The following PDZRN4 variants were observed in gnomAD, a reference collection of about 807,000 sequenced individuals.
PDZRN4 encodes the protein PDZ domain containing ring finger 4, also known as PDZ domain-containing RING finger protein 4.
PDZRN4 carries 70 observed loss-of-function variants against 99.0 expected under a neutral mutation model. The observed-to-expected ratio is 0.71, with a 90% CI of 0.58 to 0.86. The LOEUF (loss-of-function observed/expected upper bound fraction) is 0.86, where lower values mean the gene tolerates loss of function less well. Ranked by LOEUF, PDZRN4 falls within the 40% of genes least tolerant of loss-of-function variation. PDZRN4 has a pLI of 0.00. For synonymous variants in PDZRN4, 551 were observed against 501.6 expected, an observed-to-expected ratio of 1.10 and a Z score of -1.32; for missense variants, 1,474 against 1,331.2, an observed-to-expected ratio of 1.11 and a Z score of -1.67.
chr12:41,309,093 A>C lies in PDZRN4; in HGVS notation c.843+114905A>C, dbSNP rs542129632. Among the ~76,000 whole-genome samples, 26 of 152,298 alleles carry C rather than the reference A, an allele frequency of 1.7e-4. No homozygotes were observed. In the East Asian group the frequency reaches 4.2e-3, roughly 25 times the overall value. On this transcript the variant is annotated intron_variant, in intron 3 of 9. Transcript: ENST00000402685. ...CTCCCCTCAAAAACAATACTATAAA[A>C]GTACTAGAAGAAAATATAGGATCTG...
At position 41,188,517 on chromosome 12, in the gene PDZRN4, G is replaced by C; in HGVS notation, c.62G>C (p.Cys21Ser). 6.3e-7 allele frequency: 1 copy of C among 1,586,732 alleles called. No individual in the cohort carries two copies. Among genetic ancestry groups the C allele is most frequent in the Non-Finnish European group, 8.5e-7 (1 of 1,174,564 alleles). Residue 21 changes from cysteine to serine, a missense_variant, in exon 1 of 10, where the codon TGC becomes TCC. Coordinates refer to ENST00000402685, the MANE Select transcript of PDZRN4 (RefSeq NM_001164595.2). ...GACCCGGCTCTGGAGTGCAAACTGT[G>C]CGGCCAGGTGCTTGAAGAGCCCCTG... is the stretch of plus-strand genomic sequence containing the variant. ...AVDPALECKL[C>S]GQVLEEPLCT...
Position 41,188,898 on chromosome 12 carries a change from G to A in PDZRN4, c.443G>A (p.Gly148Glu), listed in dbSNP as rs1198333675. ...RAGRGGGARG[G>E]PPGGRWGRGR... The stretch of plus-strand genomic sequence containing the variant: ...GGCCGGGGCGGGGGCGCGCGCGGGG[G>A]GCCGCCGGGCGGCCGCTGGGGCCGC... Residue 148 changes from glycine (G) to glutamate (E), a missense_variant, in exon 1 of 10, where the codon GGG becomes GAG. Transcript: ENST00000402685. 12 of 1,095,858 alleles carry A rather than the reference G, an allele frequency of 1.1e-5. No individual in the cohort carries two copies. Among genetic ancestry groups the A allele is most frequent in the Non-Finnish European group, 1.0e-5 (9 of 903,036 alleles). 67.9% of individuals were successfully genotyped at this position (1,095,858 alleles called of 1,614,324 possible).
At chr12:41,249,821 C>A (rs1032385637) in intron 3 of PDZRN4, among the ~76,000 whole-genome samples, 1 of 152,198 alleles carries the variant, frequency 6.6e-6, no homozygotes, top group African/African-American at 2.4e-5. Flanking sequence ...GGTAAAGAAG[C>A]AGAGTGCATT....
At chr12:41,294,235 A>G (rs1230196014) in intron 3 of PDZRN4, among the ~76,000 whole-genome samples, 1 of 152,166 alleles carries the variant, frequency 6.6e-6, no homozygotes, top group Non-Finnish European at 1.5e-5. Context: ...ACCTGGGTGC[A>G]AGTCCTGCCT....
chr12:41,316,456 A>ATGTGTGTGTGTG (rs71081722), intron 3 of PDZRN4, among the ~76,000 whole-genome samples: 124 of 144,530 alleles, frequency 8.6e-4, no homozygotes, highest in African/African-American at 1.9e-3. Context: ...AAAAAGGCAA[A>ATGTGTGTGTGTG]TGTGTGTGTG....
chr12:41,572,362 A>G lies in PDZRN4; in HGVS notation c.1585-2A>G, dbSNP rs1281243488. ...TTTGTTCTTTCAACATCATTTTCTT[A>G]GCCAAAAAAGCAAGAAGAAGAAGAA... On this transcript the variant is annotated splice_acceptor_variant, in intron 9 of 9. Coordinates refer to ENST00000402685, the MANE Select transcript of PDZRN4 (RefSeq NM_001164595.2). LOFTEE classifies it high-confidence loss of function. The G allele has an allele frequency of 4.4e-6, 7 of 1,588,338 alleles. No homozygotes were observed. Among genetic ancestry groups the G allele is most frequent in the Non-Finnish European group, 6.0e-6 (7 of 1,165,334 alleles).
At chr12:41,234,011 C>T (rs1012303373) in intron 3 of PDZRN4, among the ~76,000 whole-genome samples, 1 of 151,744 alleles carries the variant, frequency 6.6e-6, no homozygotes, top group Non-Finnish European at 1.5e-5. Context: ...CTGATTGGCC[C>T]CCGTCAGAAA....
At chr12:41,431,765 A>T (rs749752364) in intron 3 of PDZRN4, among the ~76,000 whole-genome samples, 5 of 152,238 alleles carry the variant, frequency 3.3e-5, no homozygotes, top group Non-Finnish European at 5.9e-5. Flanking sequence ...CAAATTGAAG[A>T]TGTTCAACTA....
At chr12:41,475,252 G>A (rs1337503702) in intron 3 of PDZRN4, among the ~76,000 whole-genome samples, 2 of 152,078 alleles carry the variant, frequency 1.3e-5, no homozygotes, top group Non-Finnish European at 2.9e-5. Context: ...AGTCTATAAG[G>A]AAAATTGTAG....
Position 41,567,777 on chromosome 12 carries a change from T to A in PDZRN4, c.1468-6T>A. On this transcript the variant is annotated splice_polypyrimidine_tract_variant and splice_region_variant and intron_variant, in intron 8 of 9. Transcript: ENST00000402685. ...TAATATAATGTACTAATGTATTCTT[T>A]TGCAGCTGGATGAAGGCTGGCTGGA... is the stretch of plus-strand genomic sequence containing the variant. The A allele has an allele frequency of 6.3e-7, 1 of 1,585,384 alleles. No individual in the cohort carries two copies. The highest frequency in any genetic ancestry group is 8.7e-7 in the Non-Finnish European group (1 of 1,155,684).
At chr12:41,339,465 A>T (rs1951799839) in intron 3 of PDZRN4, among the ~76,000 whole-genome samples, 2 of 152,132 alleles carry the variant, frequency 1.3e-5, no homozygotes. Flanking sequence ...AAACTAATGA[A>T]ACGACTACAA....
intron 3 of PDZRN4, among the ~76,000 whole-genome samples, chr12:41,228,424 G>T (rs907179916): frequency 1.3e-5 from 2 of 151,976 alleles, no homozygotes; most frequent in Non-Finnish European, 2.9e-5. Flanking sequence ...ATTCAAGAAA[G>T]TTCACAACAC....
intron 3 of PDZRN4, among the ~76,000 whole-genome samples, chr12:41,235,455 A>G (rs1344959925): frequency 6.6e-6 from 1 of 152,188 alleles, no homozygotes; most frequent in African/African-American, 2.4e-5. Context: ...CCAGGGCCAC[A>G]CATTCGAAAA....
rs61040270 is a variant in PDZRN4 at position 41,545,509 on chromosome 12, A to ATGTGTG, written c.1204-7108_1204-7103dup. Among the ~76,000 whole-genome samples, 554 of 143,088 alleles carry ATGTGTG rather than the reference A, an allele frequency of 3.9e-3. 2 individuals are homozygous for ATGTGTG. The highest frequency in any genetic ancestry group is 7.8e-3 in the South Asian group (33 of 4,220). The allele number at this position is 143,088 out of a possible 152,430, so 93.9% of individuals were successfully genotyped here. A position where few individuals can be genotyped will look rare whatever the true frequency, so the allele number is the denominator to read the frequency against. The stretch of plus-strand genomic sequence containing the variant: ...GCCCCAGCCCATATTGATGATATTA[A>ATGTGTG]TGTGTGTGTGTGTGTGTGTGTGTGT... On this transcript the variant is annotated intron_variant, in intron 5 of 9. Transcript: ENST00000402685.
chr12:41,503,926 A>G (rs1938155963), intron 3 of PDZRN4, among the ~76,000 whole-genome samples: 1 of 152,196 alleles, frequency 6.6e-6, no homozygotes, highest in African/African-American at 2.4e-5. Flanking sequence ...CTCTTGATGC[A>G]AGGCTTATAA....
chr12:41,395,520 A>C (rs1261683655), intron 3 of PDZRN4, among the ~76,000 whole-genome samples: 1 of 152,146 alleles, frequency 6.6e-6, no homozygotes. Flanking sequence ...TGCTGCTTCC[A>C]GTGAGTTGAA....
intron 3 of PDZRN4, among the ~76,000 whole-genome samples, chr12:41,385,557 A>G (rs1952163210): frequency 2.0e-5 from 3 of 152,200 alleles, no homozygotes; most frequent in Non-Finnish European, 1.5e-5. Context: ...ATGCATATAA[A>G]CTAGAAAATA....
chr12:41,378,284 T>G (rs912446140), intron 3 of PDZRN4, among the ~76,000 whole-genome samples: 5 of 152,198 alleles, frequency 3.3e-5, no homozygotes, highest in Non-Finnish European at 7.3e-5. Context: ...TTGTATTTAT[T>G]GACTTGTTTA....
intron 3 of PDZRN4, among the ~76,000 whole-genome samples, chr12:41,407,207 T>G (rs1952356594): frequency 6.6e-6 from 1 of 152,210 alleles, no homozygotes; most frequent in African/African-American, 2.4e-5. Flanking sequence ...TACTGACCTA[T>G]AATATCTCAC....
Sources: allele counts gnomAD v4.1 joint callset (sites outside exome capture counted in the v4.1 genomes callset), GRCh38; gene constraint gnomAD v4.1.1; transcripts MANE v1.5; gene names NCBI Gene and HGNC (gene_info 2026-07-23, HGNC 2026-07-21).